TCF12: variants seen among roughly 807,000 people sequenced by gnomAD.
The protein encoded by TCF12 is DNA-binding protein HTF4.
In TCF12, 45 loss-of-function variants were observed where a neutral mutation model predicts 86.0. The ratio of observed to expected loss-of-function variants is 0.52; its 90% CI spans 0.41 to 0.67. The LOEUF (loss-of-function observed/expected upper bound fraction) is 0.67, where lower values mean the gene tolerates loss of function less well. Among genes scored for constraint, TCF12 ranks in the 30% least tolerant of loss-of-function variants. The pLI is 0.00. For missense variants in TCF12, 881 were observed against 859.9 expected (o/e 1.02, Z -0.31); for synonymous variants, 330 against 299.6 (o/e 1.10, Z -1.05).
At chr15:57,034,980 A>G (rs1383041694) in intron 3 of TCF12, among the ~76,000 whole-genome samples, 4 of 152,228 alleles carry the variant, frequency 2.6e-5, no homozygotes, top group Non-Finnish European at 5.9e-5. Context: ...AGGAAATAAT[A>G]TCAACATAAA....
chr15:57,229,651 G>A (rs1246910403), intron 8 of TCF12, among the ~76,000 whole-genome samples: 1 of 151,916 alleles, frequency 6.6e-6, no homozygotes, highest in Non-Finnish European at 1.5e-5. Flanking sequence ...TTTGAGTAGT[G>A]AACAGGTAAT....
chr15:57,205,389 C>T (rs963744075), intron 8 of TCF12, among the ~76,000 whole-genome samples: 3 of 152,222 alleles, frequency 2.0e-5, no homozygotes, highest in Non-Finnish European at 2.9e-5. Flanking sequence ...ATAGTATTTA[C>T]ATAAAGTACC....
At chr15:57,131,433 G>A (rs1542508) in intron 5 of TCF12, among the ~76,000 whole-genome samples, 144,602 of 152,210 alleles carry the variant, frequency 0.95, 68,888 homozygotes, top group Non-Finnish European at 0.99. Flanking sequence ...GGGTAACATT[G>A]TACCATTTTT....
chr15:57,219,343 A>C (rs1411160338), intron 8 of TCF12: 2 of 1,250,242 alleles, frequency 1.6e-6, no homozygotes, highest in Non-Finnish European at 2.0e-6. Context: ...TACTTACAGC[A>C]TAAACCCTCC....
In TCF12 at chr15:57,218,894, A is replaced by T. The variant is rs2058448083; in HGVS notation, c.580-12258A>T. 6 of 280,204 alleles carry T rather than the reference A, an allele frequency of 2.1e-5. No individual in the cohort carries two copies. In the East Asian group the frequency reaches 4.5e-4, roughly 21 times the overall value. 17.4% of individuals were successfully genotyped at this position (280,204 alleles called of 1,614,324 possible). A position where few individuals can be genotyped will look rare whatever the true frequency, so the allele number is the denominator to read the frequency against. On this transcript the variant is annotated intron_variant, in intron 8 of 20. Transcript: ENST00000333725. ...GCTTAAAGTATGGTTTGTTCTAGCT[A>T]GTTAAGAGGTATTTGCATGATGGTC...
intron 8 of TCF12, among the ~76,000 whole-genome samples, chr15:57,217,340 A>T (rs2058374354): frequency 6.6e-6 from 1 of 152,098 alleles, no homozygotes; most frequent in Admixed American, 6.5e-5. Flanking sequence ...TTTTTATCTG[A>T]ATGTATGTTT....
chr15:57,052,168 T>A (rs2067676963), intron 3 of TCF12, among the ~76,000 whole-genome samples: 1 of 152,236 alleles, frequency 6.6e-6, no homozygotes, highest in Non-Finnish European at 1.5e-5. Flanking sequence ...CAAATTTGTA[T>A]GAATTTTTTA....
At chr15:57,042,963 G>A (rs118133666) in intron 3 of TCF12, among the ~76,000 whole-genome samples, 460 of 152,034 alleles carry the variant, frequency 3.0e-3, no homozygotes, top group Non-Finnish European at 5.7e-3. Context: ...TCTGAGTTTC[G>A]CTACTTTAGA....
Position 57,197,813 on chromosome 15 carries a change from T to G in TCF12, c.567T>G (p.Gly189=). 6.2e-7 allele frequency: 1 copy of G among 1,614,036 alleles called. No homozygotes were observed. Among genetic ancestry groups the G allele is most frequent in the Non-Finnish European group, 8.5e-7 (1 of 1,179,944 alleles). The part of the protein sequence containing the change: ...QAKKVRKVPP[G]LPSSVYAPSP... ...AAAAAGTCAGAAAGGTGCCTCCTGG[T>G]TTGCCTTCTTCTGTAAGTACCTATC... Residue 189 remains glycine (G), a synonymous_variant, in exon 8 of 21, where the codon GGT becomes GGG. Transcript: ENST00000333725.
At chr15:57,261,315 A>G (rs139003334) in intron 16 of TCF12, among the ~76,000 whole-genome samples, 52 of 152,278 alleles carry the variant, frequency 3.4e-4, no homozygotes, top group Middle Eastern at 3.4e-3. Context: ...TCTACTACCA[A>G]ATGACCTGCA....
intron 6 of TCF12, among the ~76,000 whole-genome samples, chr15:57,166,911 A>G (rs957759554): frequency 6.6e-6 from 1 of 152,166 alleles, no homozygotes; most frequent in Middle Eastern, 3.2e-3. Context: ...CTGACTTGGA[A>G]TCTTTGTTTC....
chr15:57,007,978 G>A (rs112881510), intron 3 of TCF12, among the ~76,000 whole-genome samples: 1 of 123,110 alleles, frequency 8.1e-6, no homozygotes, highest in Admixed American at 9.5e-5. Context: ...TCTCTCTCTC[G>A]CTCTCTCTCT....
intron 3 of TCF12, among the ~76,000 whole-genome samples, chr15:57,018,260 A>T (rs1228945267): frequency 6.6e-6 from 1 of 152,126 alleles, no homozygotes; most frequent in African/African-American, 2.4e-5. Context: ...GTTGTTAGGA[A>T]TTTTTGTTAG....
intron 5 of TCF12, among the ~76,000 whole-genome samples, chr15:57,103,056 C>G (rs1274769872): frequency 3.3e-5 from 5 of 152,110 alleles, no homozygotes; most frequent in Non-Finnish European, 7.4e-5. Flanking sequence ...CTTCAAAGAA[C>G]AGCTGCAAAG....
intron 3 of TCF12, among the ~76,000 whole-genome samples, chr15:56,940,436 C>T (rs1444914760): frequency 1.3e-5 from 2 of 151,922 alleles, no homozygotes; most frequent in African/African-American, 4.8e-5. Context: ...ATGTCTTTAG[C>T]AATTGTTTCT....
chr15:57,214,774 T>C (rs994245705), intron 8 of TCF12, among the ~76,000 whole-genome samples: 1 of 152,146 alleles, frequency 6.6e-6, no homozygotes, highest in African/African-American at 2.4e-5. Flanking sequence ...GTAATCACAA[T>C]TGAGGCTTAA....
chr15:57,120,843 T>C (rs1223885774), intron 5 of TCF12, among the ~76,000 whole-genome samples: 1 of 152,196 alleles, frequency 6.6e-6, no homozygotes, highest in African/African-American at 2.4e-5. Flanking sequence ...AGAAAATGTC[T>C]GTTGTGGCAA....
intron 8 of TCF12, among the ~76,000 whole-genome samples, chr15:57,225,251 T>TA (rs2058819319): frequency 1.2e-5 from 1 of 84,270 alleles, no homozygotes; most frequent in African/African-American, 3.6e-5. Flanking sequence ...TTTTTTTTTT[T>TA]AAGACGGAGT....
rs1199004186 is a variant in TCF12 at position 57,273,278 on chromosome 15, C to G, written c.1978+16C>G. ...CAAGTCAGAGGTAAGTAGGTTCAGCCGAGATGTATAACTGTTCTGCTTCAG... is the reference window on the plus strand; with the variant it reads ...CAAGTCAGAGGTAAGTAGGTTCAGCGGAGATGTATAACTGTTCTGCTTCAG... On this transcript the variant is annotated intron_variant, in intron 19 of 20. Transcript: ENST00000333725. 1 of 1,611,276 alleles carries G rather than the reference C, an allele frequency of 6.2e-7. No homozygotes were observed. Among genetic ancestry groups the G allele is most frequent in the East Asian group, 2.2e-5 (1 of 44,838 alleles).
Sources: allele counts gnomAD v4.1 joint callset (sites outside exome capture counted in the v4.1 genomes callset), GRCh38; gene constraint gnomAD v4.1.1; transcripts MANE v1.5; gene names NCBI Gene and HGNC (gene_info 2026-07-23, HGNC 2026-07-21).